The following RPS8 variants were observed in gnomAD, a reference collection of about 807,000 sequenced individuals.
The protein encoded by RPS8 is small ribosomal subunit protein eS8.
For synonymous variants in RPS8, 100 were observed against 100.7 expected, an observed-to-expected ratio of 0.99 and a Z score of 0.04; for missense variants, 141 against 269.7, an observed-to-expected ratio of 0.52 and a Z score of 3.34.
intron 2 of RPS8, 39 bp from the exon 3 acceptor site, chr1:44,776,636 T>C (rs753499357): frequency 1.3e-6 from 2 of 1,578,928 alleles, no homozygotes; most frequent in Non-Finnish European, 1.7e-6. Context: ...TGCCTTGCTC[T>C]CCTTGGTAAC....
chr1:44,777,370 C>G, intron 3 of RPS8: 1 of 496,284 alleles, frequency 2.0e-6, no homozygotes, highest in Non-Finnish European at 3.7e-6. Flanking sequence ...CGTGCCCGAC[C>G]TGCTCTGATC....
At position 44,776,116 on chromosome 1, in the gene RPS8, G is replaced by A. The variant is rs2148842397; in HGVS notation, c.87G>A (p.Leu29=). The A allele has an allele frequency of 3.7e-6, 6 of 1,605,466 alleles. No homozygotes were observed. Among genetic ancestry groups the A allele is most frequent in the African/African-American group, 1.3e-5 (1 of 74,300 alleles). The part of the protein sequence containing the change: ...KPYHKKRKYE[L]GRPAANTKIG... The stretch of plus-strand genomic sequence containing the variant: ...ACCACAAGAAGCGGAAGTATGAGTT[G>A]GGGCGCCCAGCTGCCAACACCAAGG... The change falls in exon 2 of 6, where the codon TTG becomes TTA. Residue 29 remains leucine (L), a synonymous_variant. Coordinates refer to ENST00000396651, the MANE Select transcript of RPS8 (RefSeq NM_001012.2).
At chr1:44,778,512 CG>C in intron 5 of RPS8, 63 bp from the exon 6 acceptor site, 3 of 1,290,132 alleles carry the variant, frequency 2.3e-6, no homozygotes, top group Non-Finnish European at 3.4e-6. Flanking sequence ...GATTCTTAAG[CG>C]GGTGGAGAGG....
chr1:44,778,544 C>G (rs754700564), intron 5 of RPS8, 32 bp from the exon 6 acceptor site: 1 of 1,569,654 alleles, frequency 6.4e-7, no homozygotes, highest in Non-Finnish European at 8.8e-7. Flanking sequence ...GCCACCTTGT[C>G]GTTGTGCTAA....
In RPS8 at chr1:44,778,059, T is replaced by C. The variant is rs550565469; in HGVS notation, c.447T>C (p.Tyr149=). The C allele has an allele frequency of 2.1e-5, 34 of 1,612,378 alleles. No individual in the cohort carries two copies. In the African/African-American group the frequency reaches 2.9e-4, roughly 14 times the overall value. ...GATCTAAAAAAATTCAGAAGAAATATGATGAAAGGAAAAAGAATGCCAAAA... is the reference window on the plus strand; with the variant it reads ...GATCTAAAAAAATTCAGAAGAAATACGATGAAAGGAAAAAGAATGCCAAAA... ...KKRSKKIQKK[Y]DERKKNAKIS... is the part of the protein sequence containing the mutation. The change falls in exon 5 of 6, where the codon TAT becomes TAC. Residue 149 remains tyrosine, a synonymous_variant. Transcript: ENST00000396651.
intron 5 of RPS8, 33 bp downstream of exon 5, chr1:44,778,162 C>T (rs370182518): frequency 2.5e-6 from 4 of 1,586,496 alleles, no homozygotes; most frequent in East Asian, 2.3e-5. Flanking sequence ...GGTGGGGAGT[C>T]GCAGAGATTG....
At chr1:44,778,337 C>T (rs1020619503) in intron 5 of RPS8, 9 of 824,198 alleles carry the variant, frequency 1.1e-5, no homozygotes, top group African/African-American at 5.0e-5. Flanking sequence ...TGCATAGGCC[C>T]GTGCTTGGAG....
intron 5 of RPS8, 30 bp downstream of exon 5, chr1:44,778,159 A>G: frequency 6.3e-7 from 1 of 1,586,070 alleles, no homozygotes; most frequent in Non-Finnish European, 8.6e-7. Flanking sequence ...GGAGGTGGGG[A>G]GTCGCAGAGA....
intron 3 of RPS8, chr1:44,777,259 C>T (rs756288294): frequency 5.5e-4 from 126 of 228,886 alleles, no homozygotes; most frequent in Middle Eastern, 1.7e-3. Context: ...TTAGTAGAGA[C>T]GGGGTTTCAC....
At chr1:44,776,555 T>G (rs1650860475) in intron 2 of RPS8, 120 bp from the exon 3 acceptor site, 2 of 860,710 alleles carry the variant, frequency 2.3e-6, no homozygotes, top group Non-Finnish European at 4.0e-6. Flanking sequence ...GTGTGCCACT[T>G]GCCAATGCAA....
At chr1:44,778,405 CTT>C in intron 5 of RPS8, 169 bp from the exon 6 acceptor site, 1 of 811,768 alleles carries the variant, frequency 1.2e-6, no homozygotes, top group East Asian at 2.4e-5. Context: ...GTGATGAAAA[CTT>C]TGTCCAGTTC....
chr1:44,777,933 G>A (rs778664878), intron 4 of RPS8, 67 bp from the exon 5 acceptor site: 50 of 1,603,140 alleles, frequency 3.1e-5, no homozygotes, highest in Non-Finnish European at 4.2e-5. Context: ...GGGGTGTGCA[G>A]GGTTCGAGAA....
At position 44,778,440 on chromosome 1, in the gene RPS8, T is replaced by C. The variant is rs774654743; in HGVS notation, c.518-136T>C. 1.7e-5 allele frequency: 14 copies of C among 828,014 alleles called. No individual in the cohort carries two copies. The South Asian group carries it at 1.9e-4, about 11-fold the overall frequency. The allele number at this position is 828,014 out of a possible 1,614,324, so 51.3% of individuals were successfully genotyped here. A position where few individuals can be genotyped will look rare whatever the true frequency, so the allele number is the denominator to read the frequency against. On this transcript the variant is annotated intron_variant, in intron 5 of 5. Transcript: ENST00000396651. ...TTCTGCTACTGACAGTAAGTGAAGA[T>C]AAAGTGTGTCTGAGGAGACAGCTGG...
rs368757132 is a variant in RPS8, at chr1:44,775,907, G to T, written c.5-127G>T. The T allele has an allele frequency of 3.8e-5, 35 of 914,034 alleles. No individual in the cohort carries two copies. The African/African-American group carries it at 4.5e-4, about 12-fold the overall frequency. 56.6% of individuals were successfully genotyped at this position (914,034 alleles called of 1,614,324 possible). ...GGTAATGCTGCATACTCCCGAGTGC[G>T]CGGTGGGGAAGCCAACCTTGGAGAG... is the stretch of plus-strand genomic sequence containing the variant. On this transcript the variant is annotated intron_variant, in intron 1 of 5. Coordinates refer to ENST00000396651, the MANE Select transcript of RPS8 (RefSeq NM_001012.2).
At chr1:44,775,742 G>C in intron 1 of RPS8, 142 bp downstream of exon 1, 1 of 1,174,790 alleles carries the variant, frequency 8.5e-7, no homozygotes, top group Non-Finnish European at 1.3e-6. Flanking sequence ...CTCGGGTTTC[G>C]GCCGCCCAGC....
rs766017233 is a variant in RPS8, at chr1:44,775,565, T to G, written c.-32T>G. 11 of 1,613,946 alleles carry G rather than the reference T, an allele frequency of 6.8e-6. No homozygotes were observed. In the South Asian group the frequency reaches 1.1e-4, roughly 16 times the overall value. On this transcript the variant is annotated 5_prime_UTR_variant, in exon 1 of 6. Coordinates refer to ENST00000396651, the MANE Select transcript of RPS8 (RefSeq NM_001012.2). ...GTTTTACAAACCGAACCGTGAATCT[T>G]TGCGGTTTCTCTTTCCAGCCAGCGC...
chr1:44,776,890 G>C, intron 3 of RPS8, 116 bp downstream of exon 3: 1 of 671,928 alleles, frequency 1.5e-6, no homozygotes, highest in Non-Finnish European at 2.4e-6. Context: ...GGGAGGCCGA[G>C]GCGGGCGGAT....
chr1:44,778,154 T>G, intron 5 of RPS8, 25 bp downstream of exon 5: 2 of 1,586,538 alleles, frequency 1.3e-6, no homozygotes, highest in Non-Finnish European at 8.6e-7. Context: ...GTGTTGGAGG[T>G]GGGGAGTCGC....
intron 2 of RPS8, 71 bp downstream of exon 2, chr1:44,776,211 C>T (rs1008723599): frequency 5.1e-5 from 57 of 1,111,934 alleles, no homozygotes; most frequent in Non-Finnish European, 7.0e-5. Context: ...TCGGGTCTTT[C>T]CGTGTGACAG....
Sources: allele counts gnomAD v4.1 joint callset, GRCh38; gene constraint gnomAD v4.1.1; transcripts MANE v1.5; gene names NCBI Gene and HGNC (gene_info 2026-07-23, HGNC 2026-07-21).